Variants in FAM13B observed in about 807,000 individuals in gnomAD.
FAM13B encodes protein FAM13B.
Under a neutral mutation model 117.3 loss-of-function variants are expected in FAM13B, and 60 were observed. That is an observed-to-expected ratio of 0.51 (90% CI 0.42 to 0.63). The LOEUF is 0.63. FAM13B is among the 30% of genes least tolerant of loss of function. The probability of loss-of-function intolerance (pLI) is 0.00; values close to 1 mark genes in which losing one functional copy is unlikely to be tolerated. For missense variants in FAM13B, 972 were observed against 1,091.9 expected (o/e 0.89, Z 1.55); for synonymous variants, 332 against 356.1 (o/e 0.93, Z 0.76).
Position 137,941,328 on chromosome 5 carries a change from C to A in FAM13B, c.2690+616G>T, listed in dbSNP as rs192496483. ...TTAGCTATCAGCTTGGTAAGATAAC[C>A]CAGCTACTTAGAAAAATGTTTCTCA... On this transcript the variant is annotated intron_variant, in intron 23 of 23. Coordinates refer to ENST00000689681, the MANE Select transcript of FAM13B (RefSeq NM_001385994.1). 1.6e-3 allele frequency among the ~76,000 whole-genome samples: 251 copies of A among 152,138 alleles called. 1 individual carries two copies. Among genetic ancestry groups the A allele is most frequent in the African/African-American group, 5.8e-3 (241 of 41,476 alleles).
intron 10 of FAM13B, among the ~76,000 whole-genome samples, chr5:137,982,031 C>T (rs145247152): frequency 1.3e-5 from 2 of 152,218 alleles, no homozygotes; most frequent in East Asian, 1.9e-4. Flanking sequence ...AGCCAATATT[C>T]CGTAGTGCCT....
chr5:137,980,719 C>G (rs1319268787), intron 10 of FAM13B, among the ~76,000 whole-genome samples: 2 of 152,058 alleles, frequency 1.3e-5, no homozygotes, highest in Admixed American at 1.3e-4. Context: ...GGATTACAGG[C>G]GTAAGCCACT....
chr5:138,023,037 C>CA (rs1170880034), intron 1 of FAM13B, among the ~76,000 whole-genome samples: 1 of 152,022 alleles, frequency 6.6e-6, no homozygotes, highest in Non-Finnish European at 1.5e-5. Context: ...AGGTTGGTCT[C>CA]AGACTCCTGG....
In FAM13B at chr5:138,032,798, C is replaced by G; in HGVS notation, c.-219G>C. The G allele has an allele frequency of 1.0e-6, 1 of 985,818 alleles. No individual in the cohort carries two copies. Among genetic ancestry groups the G allele is most frequent in the African/African-American group, 1.7e-5 (1 of 57,376 alleles). The allele number at this position is 985,818 out of a possible 1,614,324, so 61.1% of individuals were successfully genotyped here. ...TTTACCTACCGTTGGAACCGCGATG[C>G]CCCGTTCCCTGGCCGCGGCCGCTTC... On this transcript the variant is annotated 5_prime_UTR_variant, in exon 1 of 24. Transcript: ENST00000689681.
chr5:137,967,105 A>G (rs1770216091), intron 10 of FAM13B, among the ~76,000 whole-genome samples: 1 of 151,934 alleles, frequency 6.6e-6, no homozygotes, highest in African/African-American at 2.4e-5. Context: ...TAAAATCTTA[A>G]AAAAGGGAAA....
chr5:137,940,159 G>A lies in FAM13B; in HGVS notation c.*66C>T. ...CAAAACGAATTTAAGTACCAGCCAAGTACACACGATGATAGCTTCAAGGAA... is the reference window on the plus strand; with the variant it reads ...CAAAACGAATTTAAGTACCAGCCAAATACACACGATGATAGCTTCAAGGAA... On this transcript the variant is annotated 3_prime_UTR_variant, in exon 24 of 24. Coordinates refer to ENST00000689681, the MANE Select transcript of FAM13B (RefSeq NM_001385994.1). 1 of 1,613,306 alleles carries A rather than the reference G, an allele frequency of 6.2e-7. No individual in the cohort carries two copies. The highest frequency in any genetic ancestry group is 8.5e-7 in the Non-Finnish European group (1 of 1,179,296).
In FAM13B at chr5:137,959,827, C is replaced by T. The variant is rs140387789; in HGVS notation, c.1294-64G>A. ...AAGCTTTTCACACCCAGCTTAAACA[C>T]ATCCAGCACATATCCAAGTGTAGTC... On this transcript the variant is annotated intron_variant, in intron 12 of 23. Coordinates refer to ENST00000689681, the MANE Select transcript of FAM13B (RefSeq NM_001385994.1). 41 of 1,481,070 alleles carry T rather than the reference C, an allele frequency of 2.8e-5. No homozygotes were observed. The African/African-American group carries it at 5.6e-4, about 20-fold the overall frequency. 91.7% of individuals were successfully genotyped at this position (1,481,070 alleles called of 1,614,324 possible).
intron 7 of FAM13B, among the ~76,000 whole-genome samples, chr5:137,998,455 C>T (rs1780385785): frequency 1.3e-5 from 2 of 152,356 alleles, no homozygotes; most frequent in South Asian, 4.1e-4. Flanking sequence ...TGCAGCATAA[C>T]TTACCTTGTT....
At chr5:137,954,444 T>A (rs901423670) in intron 14 of FAM13B, 68 bp from the exon 15 acceptor site, 3 of 1,230,742 alleles carry the variant, frequency 2.4e-6, no homozygotes, top group Non-Finnish European at 3.4e-6. Flanking sequence ...AGTCACAAAA[T>A]ATCAGCTATG....
chr5:137,955,860 G>A (rs939214087), intron 14 of FAM13B, among the ~76,000 whole-genome samples: 1 of 152,130 alleles, frequency 6.6e-6, no homozygotes, highest in African/African-American at 2.4e-5. Context: ...ACGAACTCCT[G>A]ACCTCAAGTG....
At chr5:137,977,333 G>A (rs894135884) in intron 10 of FAM13B, among the ~76,000 whole-genome samples, 5 of 152,094 alleles carry the variant, frequency 3.3e-5, no homozygotes, top group African/African-American at 9.7e-5. Flanking sequence ...CTGTGATCTC[G>A]CCCTGCCTCC....
At chr5:137,946,137 A>G (rs1163390686) in intron 19 of FAM13B, 91 bp downstream of exon 19, 2 of 1,322,946 alleles carry the variant, frequency 1.5e-6, no homozygotes, top group African/African-American at 3.0e-5. Flanking sequence ...ATAATGCTCA[A>G]AAAACAGCCC....
chr5:137,954,847 G>A (rs1215383381), intron 14 of FAM13B, among the ~76,000 whole-genome samples: 1 of 151,878 alleles, frequency 6.6e-6, no homozygotes, highest in Admixed American at 6.6e-5. Flanking sequence ...GTCTTGAACT[G>A]CTAGGCTCAA....
chr5:138,050,124 T>A (rs976249026), intron 1 of FAM13B, among the ~76,000 whole-genome samples: 56 of 150,586 alleles, frequency 3.7e-4, no homozygotes, highest in African/African-American at 1.4e-3. Flanking sequence ...AGTGACAGAG[T>A]GGAGACCCTG....
At chr5:138,048,393 C>T (rs1791700591) in intron 1 of FAM13B, among the ~76,000 whole-genome samples, 1 of 151,996 alleles carries the variant, frequency 6.6e-6, no homozygotes, top group South Asian at 2.1e-4. Context: ...GTGGAGGGTA[C>T]AGAACTTATA....
chr5:138,027,436 A>G (rs1212506040), intron 1 of FAM13B, among the ~76,000 whole-genome samples: 1 of 152,204 alleles, frequency 6.6e-6, no homozygotes, highest in Non-Finnish European at 1.5e-5. Context: ...ACCAAAACTA[A>G]AAGAAAATAA....
In FAM13B at chr5:137,984,821, T is replaced by C. The variant is rs184323968; in HGVS notation, c.1179+436A>G. Among the ~76,000 whole-genome samples the C allele has an allele frequency of 5.3e-5, 8 of 151,862 alleles. No homozygotes were observed. In the South Asian group the frequency reaches 6.3e-4, roughly 12 times the overall value. The stretch of plus-strand genomic sequence containing the variant: ...TCTCACTCTGTCGCCCAGGCTGGAG[T>C]GCAATGGCGCAATCTTGGCTCACTG... On this transcript the variant is annotated intron_variant, in intron 10 of 23. Transcript: ENST00000689681.
Position 138,047,876 on chromosome 5 carries a change from C to T in FAM13B, c.-203+4002G>A, listed in dbSNP as rs545679527. Among the ~76,000 whole-genome samples the T allele has an allele frequency of 6.6e-5, 10 of 152,278 alleles. No individual in the cohort carries two copies. The East Asian group carries it at 1.7e-3, about 27-fold the overall frequency. On this transcript the variant is annotated intron_variant, in intron 1 of 3. Transcript: ENST00000502471. ...TTCCTCTAGGGGCCTGACTTTAGCC[C>T]AGTGAGACCCACGTCAGACTGCTGA...
At chr5:137,960,357 A>AT (rs1408505468) in intron 11 of FAM13B, 143 bp from the exon 12 acceptor site, 1 of 489,946 alleles carries the variant, frequency 2.0e-6, no homozygotes, top group African/African-American at 2.0e-5. Flanking sequence ...ACACATGCCC[A>AT]TTCTTTGGAG....
Sources: allele counts gnomAD v4.1 joint callset (sites outside exome capture counted in the v4.1 genomes callset), GRCh38; gene constraint gnomAD v4.1.1; transcripts MANE v1.5; gene names NCBI Gene and HGNC (gene_info 2026-07-23, HGNC 2026-07-21).